TENM3: variants seen among roughly 807,000 people sequenced by gnomAD.
TENM3 encodes the protein teneurin transmembrane protein 3, also known as teneurin-3.
A neutral mutation model predicts 255.1 loss-of-function variants in TENM3; 63 were observed. The observed-to-expected ratio is 0.25, with a 90% confidence interval of 0.20 to 0.30. TENM3 has a LOEUF of 0.30. TENM3 is among the 10% of genes least tolerant of loss of function. The probability of loss-of-function intolerance (pLI) is 1.00; values close to 1 mark genes in which losing one functional copy is unlikely to be tolerated. For missense variants in TENM3, 2,929 were observed against 3,461.1 expected, an observed-to-expected ratio of 0.85 and a Z score of 3.86; for synonymous variants, 1,306 against 1,322.3, an observed-to-expected ratio of 0.99 and a Z score of 0.27.
the TENM3 span, among the ~76,000 whole-genome samples, chr4:181,966,691 T>C: frequency 2.0e-5 from 3 of 152,164 alleles, no homozygotes; most frequent in Non-Finnish European, 4.4e-5. Context: ...TTTGAAGACA[T>C]TGTGGACTAA....
chr4:182,138,220 TACA>T, the TENM3 span, among the ~76,000 whole-genome samples: 1 of 152,200 alleles, frequency 6.6e-6, no homozygotes, highest in African/African-American at 2.4e-5. Flanking sequence ...CAGTGCAAAG[TACA>T]ACATTATGGT....
At position 182,743,233 on chromosome 4, in the gene TENM3, G is replaced by C. The variant is rs756322235; in HGVS notation, c.3443G>C (p.Ser1148Thr). The stretch of plus-strand genomic sequence containing the variant: ...TCCCAGCAGCCTCCAGTCGTGAGTA[G>C]CATCATGGGCAATGGGCGAAGGCGC... Reference protein sequence around the residue: ...FISQQPPVVSSIMGNGRRRSI... With the variant: ...FISQQPPVVSTIMGNGRRRSI... The change falls in exon 19 of 28, where the codon AGC (serine) becomes ACC (threonine). Residue 1148 changes from serine (S) to threonine (T), a missense_variant. Physicochemically the swap from Ser to Thr is moderately conservative, Grantham distance 58. Coordinates refer to ENST00000511685, the MANE Select transcript of TENM3 (RefSeq NM_001080477.4). 2 of 1,614,026 alleles carry C rather than the reference G, an allele frequency of 1.2e-6. No individual in the cohort carries two copies. Among genetic ancestry groups the C allele is most frequent in the Middle Eastern group, 1.6e-4 (1 of 6,062 alleles).
chr4:181,974,332 C>T, the TENM3 span, among the ~76,000 whole-genome samples: 3 of 152,128 alleles, frequency 2.0e-5, no homozygotes, highest in Non-Finnish European at 4.4e-5. Flanking sequence ...CTTTGGGATG[C>T]CAAGGCGGGT....
the TENM3 span, among the ~76,000 whole-genome samples, chr4:181,555,475 A>G: frequency 1.3e-5 from 2 of 152,214 alleles, no homozygotes; most frequent in Non-Finnish European, 2.9e-5. Context: ...TTGAAATCCA[A>G]TTTAAATAAC....
chr4:182,745,203 G>A (rs749194127), intron 19 of TENM3, among the ~76,000 whole-genome samples: 119 of 152,278 alleles, frequency 7.8e-4, no homozygotes, highest in African/African-American at 2.6e-3. Flanking sequence ...GATAGCTGTC[G>A]CATATCAGGG....
intron 4 of TENM3, among the ~76,000 whole-genome samples, chr4:182,611,284 T>C (rs1748978634): frequency 6.6e-6 from 1 of 151,996 alleles, no homozygotes; most frequent in African/African-American, 2.4e-5. Context: ...TTACTAAGCT[T>C]GTGCCTGTTA....
the TENM3 span, among the ~76,000 whole-genome samples, chr4:181,635,762 A>T: frequency 6.6e-6 from 1 of 152,148 alleles, no homozygotes; most frequent in African/African-American, 2.4e-5. Context: ...TTTCCTGGGA[A>T]GAAAGGGTGC....
chr4:181,703,749 C>G, the TENM3 span, among the ~76,000 whole-genome samples: 1 of 152,192 alleles, frequency 6.6e-6, no homozygotes, highest in Non-Finnish European at 1.5e-5. Flanking sequence ...CTCTTGGCAT[C>G]CAGGACTTAT....
the TENM3 span, among the ~76,000 whole-genome samples, chr4:181,503,095 C>T: frequency 6.5e-3 from 985 of 152,232 alleles, 11 homozygotes; most frequent in African/African-American, 0.023. Flanking sequence ...ACATGCAGTG[C>T]CTCACATCTA....
chr4:181,620,350 G>A, the TENM3 span, among the ~76,000 whole-genome samples: 10,048 of 152,140 alleles, frequency 0.066, 442 homozygotes, highest in East Asian at 0.14. Flanking sequence ...GGACACCCGC[G>A]TATACCCAAA....
chr4:182,233,178 C>T (rs781686399), intron 1 of TENM3, among the ~76,000 whole-genome samples: 5 of 152,098 alleles, frequency 3.3e-5, no homozygotes, highest in African/African-American at 4.8e-5. Context: ...AAACAGGAGC[C>T]GGAGAGCCCC....
At position 182,631,003 on chromosome 4, in the gene TENM3, G is replaced by T. The variant is rs1442967532; in HGVS notation, c.988+2114G>T. On this transcript the variant is annotated intron_variant, in intron 5 of 27. Transcript: ENST00000511685. ...TCAGTCACTGTTACCTGTGAGACTTGTACTCTTTTTAAGGACCCATTAGTG... is the reference window on the plus strand; with the variant it reads ...TCAGTCACTGTTACCTGTGAGACTTTTACTCTTTTTAAGGACCCATTAGTG... Among the ~76,000 whole-genome samples the T allele has an allele frequency of 2.0e-5, 3 of 151,932 alleles. No individual in the cohort carries two copies. In the East Asian group the frequency reaches 5.8e-4, roughly 29 times the overall value.
chr4:182,572,865 T>G (rs1744536123), intron 3 of TENM3, among the ~76,000 whole-genome samples: 1 of 152,176 alleles, frequency 6.6e-6, no homozygotes, highest in African/African-American at 2.4e-5. Flanking sequence ...CCATAAAGAT[T>G]AATGATACCT....
chr4:181,856,028 G>A, the TENM3 span, among the ~76,000 whole-genome samples: 1 of 41,498 alleles, frequency 2.4e-5, no homozygotes, highest in Non-Finnish European at 7.8e-5. Flanking sequence ...AAAGAAGGAA[G>A]GAAAGGAAGA....
the TENM3 span, among the ~76,000 whole-genome samples, chr4:181,816,787 T>G: frequency 1.3e-5 from 2 of 152,232 alleles, no homozygotes; most frequent in Non-Finnish European, 2.9e-5. Context: ...GAAACTTGAA[T>G]CACTTTTATG....
At chr4:182,760,543 C>T (rs930990255) in intron 22 of TENM3, among the ~76,000 whole-genome samples, 13 of 150,634 alleles carry the variant, frequency 8.6e-5, no homozygotes, top group Non-Finnish European at 1.3e-4. Flanking sequence ...AGCAGGTTAG[C>T]GACATTTTTT....
At chr4:182,732,261 G>A (rs1760827262) in intron 16 of TENM3, among the ~76,000 whole-genome samples, 2 of 152,094 alleles carry the variant, frequency 1.3e-5, no homozygotes, top group South Asian at 4.2e-4. Context: ...CTGACAGCTT[G>A]ACTGACATTG....
intron 11 of TENM3, among the ~76,000 whole-genome samples, chr4:182,686,392 T>C (rs1347336529): frequency 6.6e-6 from 1 of 152,104 alleles, no homozygotes; most frequent in Non-Finnish European, 1.5e-5. Context: ...TTAAAGCTTA[T>C]AAAAGCACTG....
intron 2 of TENM3, among the ~76,000 whole-genome samples, chr4:182,346,066 T>TAC (rs1182348573): frequency 4.9e-4 from 69 of 140,518 alleles, no homozygotes; most frequent in African/African-American, 1.8e-3. Flanking sequence ...CACACACACA[T>TAC]ATATACATAC....
Sources: gnomAD v4.1 joint callset for allele counts (sites outside exome capture counted in the v4.1 genomes callset) on GRCh38, gnomAD v4.1.1 for gene constraint, MANE v1.5 for transcripts, NCBI Gene and HGNC (gene_info 2026-07-23, HGNC 2026-07-21) for gene names.